The following CD300E variants were observed in gnomAD, a reference collection of about 807,000 sequenced individuals.
CD300E encodes the protein CD300e molecule, also known as CMRF35-like molecule 2.
In CD300E, 14 loss-of-function variants were observed where a neutral mutation model predicts 20.9. That is an observed-to-expected ratio of 0.67 (90% CI 0.44 to 1.05). The LOEUF (loss-of-function observed/expected upper bound fraction) is 1.05. Among genes scored for constraint, CD300E ranks in the 50% least tolerant of loss-of-function variants. CD300E has a pLI of 0.00. For synonymous variants in CD300E, 102 were observed against 103.7 expected, an observed-to-expected ratio of 0.98 and a Z score of 0.10; for missense variants, 237 against 253.9, an observed-to-expected ratio of 0.93 and a Z score of 0.45.
At chr17:74,619,126 T>A in intron 1 of CD300E, 1 of 471,268 alleles carries the variant, frequency 2.1e-6, no homozygotes, top group Non-Finnish European at 4.4e-6. Context: ...CCCAGCTTCC[T>A]CCTGGAGGTG....
intron 2 of CD300E, among the ~76,000 whole-genome samples, chr17:74,615,063 G>C (rs1479680308): frequency 1.3e-5 from 2 of 152,236 alleles, no homozygotes; most frequent in South Asian, 4.1e-4. Context: ...TGGAGGGGCA[G>C]AGACACATAA....
chr17:74,618,189 C>G (rs11650308), intron 1 of CD300E, among the ~76,000 whole-genome samples: 8 of 152,148 alleles, frequency 5.3e-5, no homozygotes, highest in Non-Finnish European at 1.2e-4. Context: ...GAAGTTGATA[C>G]GGAAGCAAAG....
chr17:74,622,444 C>T (rs1258948559), intron 1 of CD300E, among the ~76,000 whole-genome samples: 1 of 151,988 alleles, frequency 6.6e-6, no homozygotes, highest in Non-Finnish European at 1.5e-5. Flanking sequence ...TCCTTTAAAT[C>T]GCTGTCATTT....
chr17:74,617,154 C>T lies in CD300E; in HGVS notation c.352G>A (p.Asp118Asn). Residue 118 changes from aspartate (D) to asparagine (N), a missense_variant, in exon 2 of 4, where the codon GAT becomes AAT. Transcript: ENST00000392619. ...TVWVLDSWSR[D>N]PSDLVRVYVS... The stretch of plus-strand genomic sequence containing the variant: ...TACACCCTAACCAGGTCCGAGGGAT[C>T]GCGTGACCATGAATCCAGGACCCAC... The T allele has an allele frequency of 2.5e-6, 4 of 1,614,078 alleles. No homozygotes were observed. Among genetic ancestry groups the T allele is most frequent in the East Asian group, 2.2e-5 (1 of 44,896 alleles).
At chr17:74,621,669 A>C (rs2031024901) in intron 1 of CD300E, among the ~76,000 whole-genome samples, 1 of 152,218 alleles carries the variant, frequency 6.6e-6, no homozygotes, top group African/African-American at 2.4e-5. Flanking sequence ...ATGATGTGGC[A>C]GAGAGGTCAG....
At chr17:74,617,039 A>T (rs1454235202) in intron 2 of CD300E, 79 bp downstream of exon 2, 6 of 1,234,156 alleles carry the variant, frequency 4.9e-6, no homozygotes, top group Non-Finnish European at 7.1e-6. Context: ...TTGGACGCAC[A>T]CTTCAGTGTG....
chr17:74,623,050 C>A (rs532411725), intron 1 of CD300E, among the ~76,000 whole-genome samples: 2 of 152,200 alleles, frequency 1.3e-5, no homozygotes, highest in Non-Finnish European at 2.9e-5. Context: ...TTAATTATTT[C>A]TCACAAACCA....
chr17:74,616,915 G>T (rs572222731), intron 2 of CD300E, among the ~76,000 whole-genome samples: 1 of 152,232 alleles, frequency 6.6e-6, no homozygotes, highest in East Asian at 1.9e-4. Context: ...GGGAGTGATG[G>T]CGCCTGAGCT....
intron 2 of CD300E, 130 bp from the exon 3 acceptor site, chr17:74,614,163 G>A: frequency 1.4e-6 from 1 of 737,340 alleles, no homozygotes; most frequent in Non-Finnish European, 2.3e-6. Context: ...GCCAGATCCA[G>A]GGCACCTCCT....
chr17:74,617,146 C>T lies in CD300E; in HGVS notation c.360G>A (p.Ser120=), dbSNP rs538935513. The T allele has an allele frequency of 2.2e-5, 35 of 1,614,156 alleles. No individual in the cohort carries two copies. Among genetic ancestry groups the T allele is most frequent in the African/African-American group, 4.0e-5 (3 of 75,018 alleles). Residue 120 remains serine (S), a synonymous_variant, in exon 2 of 4, where the codon TCG becomes TCA. Coordinates refer to ENST00000392619, the MANE Select transcript of CD300E (RefSeq NM_181449.3). ...GGGAAACATACACCCTAACCAGGTC[C>T]GAGGGATCGCGTGACCATGAATCCA... ...WVLDSWSRDP[S]DLVRVYVSPA...
At chr17:74,619,256 G>C (rs566944873) in intron 1 of CD300E, 36 of 419,726 alleles carry the variant, frequency 8.6e-5, no homozygotes, top group African/African-American at 6.9e-4. Context: ...TGATGGAGCC[G>C]GGGCCTGCTT....
At chr17:74,617,047 G>T in intron 2 of CD300E, 71 bp downstream of exon 2, 1 of 1,326,398 alleles carries the variant, frequency 7.5e-7, no homozygotes, top group Non-Finnish European at 1.1e-6. Context: ...ACACTTCAGT[G>T]TGCCGCCCAC....
In CD300E at chr17:74,610,728, A is replaced by G. The variant is rs578460; in HGVS notation, c.*1925T>C. On this transcript the variant is annotated 3_prime_UTR_variant, in exon 4 of 4. Transcript: ENST00000392619. ...CCTGCCACCACCTGAGTTCTTCTAGATTAGTTCCATCTGGCCTGCCACAGG... is the reference window on the plus strand; with the variant it reads ...CCTGCCACCACCTGAGTTCTTCTAGGTTAGTTCCATCTGGCCTGCCACAGG... 49,419 of 152,170 alleles carry G rather than the reference A, an allele frequency of 0.32. 8,592 individuals carry two copies. Among genetic ancestry groups the G allele is most frequent in the African/African-American group, 0.45 (18,480 of 41,430 alleles). The allele number at this position is 152,170 out of a possible 1,614,324, so 9.4% of individuals were successfully genotyped here.
Position 74,617,131 on chromosome 17 carries a change from C to T in CD300E, c.375G>A (p.Val125=), listed in dbSNP as rs2030917973. 1.7e-5 allele frequency: 28 copies of T among 1,613,884 alleles called. No individual in the cohort carries two copies. Among genetic ancestry groups the T allele is most frequent in the Non-Finnish European group, 2.2e-5 (26 of 1,179,828 alleles). ...WSRDPSDLVR[V]YVSPAITTPR... ...GGGAGCTCTTACCTGGGGAAACATA[C>T]ACCCTAACCAGGTCCGAGGGATCGC... The change falls in exon 2 of 4, where the codon GTG becomes GTA. Residue 125 remains valine, a synonymous_variant. Coordinates refer to ENST00000392619, the MANE Select transcript of CD300E (RefSeq NM_181449.3).
At chr17:74,616,407 C>A (rs915770505) in intron 2 of CD300E, among the ~76,000 whole-genome samples, 1 of 152,136 alleles carries the variant, frequency 6.6e-6, no homozygotes, top group African/African-American at 2.4e-5. Flanking sequence ...TTGAGAATGT[C>A]AAGGAACCCA....
At chr17:74,614,712 C>T (rs936447531) in intron 2 of CD300E, among the ~76,000 whole-genome samples, 3 of 152,076 alleles carry the variant, frequency 2.0e-5, no homozygotes, top group African/African-American at 7.2e-5. Flanking sequence ...GAACTCCTGG[C>T]CTCAGGTGAT....
At position 74,610,342 on chromosome 17, in the gene CD300E, T is replaced by G. The variant is rs768729259; in HGVS notation, c.*2311A>C. Reference sequence around the variant, plus strand: ...TGAACTCTTCCCTCCATGTTTTCACTTCTTGCTGGGTTCCAGTTAATCTCT... The same window carrying G: ...TGAACTCTTCCCTCCATGTTTTCACGTCTTGCTGGGTTCCAGTTAATCTCT... On this transcript the variant is annotated 3_prime_UTR_variant, in exon 4 of 4. Transcript: ENST00000392619. The G allele has an allele frequency of 6.6e-6, 1 of 152,378 alleles. No homozygotes were observed. Among genetic ancestry groups the G allele is most frequent in the Non-Finnish European group, 1.5e-5 (1 of 68,180 alleles). 9.4% of individuals were successfully genotyped at this position (152,378 alleles called of 1,614,324 possible). A position where few individuals can be genotyped will look rare whatever the true frequency, so the allele number is the denominator to read the frequency against.
chr17:74,619,806 A>G (rs189888793), intron 1 of CD300E, among the ~76,000 whole-genome samples: 71 of 152,268 alleles, frequency 4.7e-4, no homozygotes, highest in African/African-American at 1.6e-3. Flanking sequence ...CAAACTTTAC[A>G]ACTTTTCAAG....
chr17:74,616,052 C>T (rs958224212), intron 2 of CD300E, among the ~76,000 whole-genome samples: 6 of 152,110 alleles, frequency 3.9e-5, no homozygotes, highest in Non-Finnish European at 8.8e-5. Context: ...CCACGGCACT[C>T]CAGCCTGGGC....
Sources: allele counts gnomAD v4.1 joint callset (sites outside exome capture counted in the v4.1 genomes callset), GRCh38; gene constraint gnomAD v4.1.1; transcripts MANE v1.5; gene names NCBI Gene and HGNC (gene_info 2026-07-23, HGNC 2026-07-21).